HHAT: variants seen among roughly 807,000 people sequenced by gnomAD.
HHAT encodes protein-cysteine N-palmitoyltransferase HHAT.
In HHAT, 47 loss-of-function variants were observed where a neutral mutation model predicts 70.8. The observed-to-expected ratio is 0.66, with a 90% CI of 0.53 to 0.85. The LOEUF (loss-of-function observed/expected upper bound fraction) is 0.85. HHAT is among the 40% of genes least tolerant of loss of function. HHAT has a pLI of 0.00. For synonymous variants in HHAT, 228 were observed against 247.6 expected (o/e 0.92, Z 0.74); for missense variants, 609 against 604.8 (o/e 1.01, Z -0.07).
chr1:210,588,371 C>T (rs576530107), intron 10 of HHAT: 27 of 355,134 alleles, frequency 7.6e-5, no homozygotes, highest in African/African-American at 4.7e-4. Context: ...AACCTCTCAA[C>T]AGAAACCATG....
At chr1:210,412,277 G>A (rs1281548333) in intron 6 of HHAT, among the ~76,000 whole-genome samples, 1 of 152,118 alleles carries the variant, frequency 6.6e-6, no homozygotes, top group Non-Finnish European at 1.5e-5. Context: ...CCTGCCCCCT[G>A]AAAATTAATG....
At chr1:210,558,117 T>C (rs558239987) in intron 9 of HHAT, among the ~76,000 whole-genome samples, 128 of 152,344 alleles carry the variant, frequency 8.4e-4, no homozygotes, top group African/African-American at 3.0e-3. Flanking sequence ...TGTGAGTTCC[T>C]TGGTGGCAGA....
intron 2 of HHAT, among the ~76,000 whole-genome samples, chr1:210,357,313 C>A (rs952100094): frequency 1.3e-5 from 2 of 152,180 alleles, no homozygotes; most frequent in Admixed American, 6.5e-5. Flanking sequence ...TTACTCCCAA[C>A]CTTTCTCCCC....
intron 4 of HHAT, among the ~76,000 whole-genome samples, chr1:210,391,610 A>C (rs2091464830): frequency 6.6e-6 from 1 of 152,210 alleles, no homozygotes. Context: ...TTTGTAGAAA[A>C]GGAAACATAA....
At chr1:210,463,876 T>C (rs951565305) in intron 7 of HHAT, among the ~76,000 whole-genome samples, 8 of 152,324 alleles carry the variant, frequency 5.3e-5, no homozygotes, top group African/African-American at 1.7e-4. Flanking sequence ...AGATTTTCTT[T>C]TTTAACTGTT....
chr1:210,389,932 C>T (rs137916721), intron 4 of HHAT, among the ~76,000 whole-genome samples: 14 of 152,206 alleles, frequency 9.2e-5, no homozygotes, highest in African/African-American at 3.1e-4. Flanking sequence ...CAAACCACAG[C>T]GGTTGTCCTC....
intron 7 of HHAT, among the ~76,000 whole-genome samples, chr1:210,418,558 T>C (rs2092795958): frequency 6.6e-6 from 1 of 152,152 alleles, no homozygotes; most frequent in Non-Finnish European, 1.5e-5. Context: ...AATGGTGGCA[T>C]TCTTCTCTGT....
At chr1:210,558,682 T>G (rs1255172511) in intron 9 of HHAT, among the ~76,000 whole-genome samples, 2 of 152,206 alleles carry the variant, frequency 1.3e-5, no homozygotes, top group Non-Finnish European at 2.9e-5. Flanking sequence ...GAGAAATGTT[T>G]TATTTCCAAA....
At chr1:210,495,642 T>A (rs1300304500) in intron 8 of HHAT, among the ~76,000 whole-genome samples, 2 of 152,192 alleles carry the variant, frequency 1.3e-5, no homozygotes, top group Admixed American at 1.3e-4. Flanking sequence ...TTACAACTAA[T>A]GCCTATTGGA....
At chr1:210,619,996 C>T (rs936960723) in intron 10 of HHAT, among the ~76,000 whole-genome samples, 2 of 152,192 alleles carry the variant, frequency 1.3e-5, no homozygotes, top group Non-Finnish European at 2.9e-5. Flanking sequence ...CATGAATTCT[C>T]TTGTCAAGGG....
rs1421598672 is a variant in HHAT at position 210,441,983 on chromosome 1, G to A, written c.857-22522G>A. On this transcript the variant is annotated intron_variant, in intron 7 of 11. Coordinates refer to ENST00000261458, the MANE Select transcript of HHAT (RefSeq NM_018194.6). ...TCATCTAGCATTAGGTATATCTCCCGGTGCTATCCCTCCCCCCTCCCCCCA... is the reference window on the plus strand; with the variant it reads ...TCATCTAGCATTAGGTATATCTCCCAGTGCTATCCCTCCCCCCTCCCCCCA... 2.3e-4 allele frequency among the ~76,000 whole-genome samples: 33 copies of A among 146,426 alleles called. No homozygotes were observed. The East Asian group carries it at 2.5e-3, about 11-fold the overall frequency.
chr1:210,588,268 T>C (rs1660926441), intron 10 of HHAT, 169 bp downstream of exon 10: 1 of 596,112 alleles, frequency 1.7e-6, no homozygotes, highest in African/African-American at 1.9e-5. Context: ...GCTTCTGTAG[T>C]GCATATATGT....
At chr1:210,373,814 A>AT (rs1190825972) in intron 3 of HHAT, among the ~76,000 whole-genome samples, 1 of 152,156 alleles carries the variant, frequency 6.6e-6, no homozygotes, top group Non-Finnish European at 1.5e-5. Context: ...AGAAGGATGG[A>AT]TTTGGGGCTT....
intron 11 of HHAT, among the ~76,000 whole-genome samples, chr1:210,664,779 A>T (rs1045504942): frequency 6.6e-6 from 1 of 152,148 alleles, no homozygotes; most frequent in Non-Finnish European, 1.5e-5. Context: ...AGCAGAAGAC[A>T]AGTCATGAGG....
At chr1:210,498,021 C>G (rs2094684021) in intron 8 of HHAT, among the ~76,000 whole-genome samples, 1 of 152,044 alleles carries the variant, frequency 6.6e-6, no homozygotes, top group Admixed American at 6.6e-5. Flanking sequence ...TCCCAAAATG[C>G]TGGGATTACA....
At chr1:210,418,433 A>C in intron 7 of HHAT, 108 bp downstream of exon 7, 1 of 948,872 alleles carries the variant, frequency 1.1e-6, no homozygotes, top group Non-Finnish European at 1.5e-6. Context: ...CCTATAGCAA[A>C]CCCTCTTTAT....
chr1:210,641,375 G>A (rs1415173693), intron 11 of HHAT, among the ~76,000 whole-genome samples: 1 of 152,128 alleles, frequency 6.6e-6, no homozygotes, highest in Non-Finnish European at 1.5e-5. Context: ...ATCCCTTTTA[G>A]TTGTAATCCC....
intron 8 of HHAT, among the ~76,000 whole-genome samples, chr1:210,493,979 A>C (rs1188047123): frequency 1.3e-5 from 2 of 152,206 alleles, no homozygotes; most frequent in Non-Finnish European, 2.9e-5. Context: ...GTGTGGTCTG[A>C]TGAACACAAG....
intron 9 of HHAT, among the ~76,000 whole-genome samples, chr1:210,552,292 C>A (rs2095533998): frequency 6.6e-6 from 1 of 152,194 alleles, no homozygotes; most frequent in South Asian, 2.1e-4. Flanking sequence ...AGAAAGCTTG[C>A]ATCTTTGACA....
Sources: allele counts gnomAD v4.1 joint callset (sites outside exome capture counted in the v4.1 genomes callset), GRCh38; gene constraint gnomAD v4.1.1; transcripts MANE v1.5; gene names NCBI Gene and HGNC (gene_info 2026-07-23, HGNC 2026-07-21).